The following VPS26A variants were observed in gnomAD, a reference collection of about 807,000 sequenced individuals.
VPS26A encodes VPS26 retromer complex component A, also known as vacuolar protein sorting-associated protein 26A.
VPS26A carries 22 observed loss-of-function variants against 42.4 expected under a neutral mutation model. That is an observed-to-expected ratio of 0.52 (90% CI 0.37 to 0.74). VPS26A has a LOEUF of 0.74. Ranked by LOEUF, VPS26A falls within the 30% of genes least tolerant of loss-of-function variation. VPS26A has a pLI of 0.00. For missense variants in VPS26A, 276 were observed against 379.2 expected (o/e 0.73, Z 2.26); for synonymous variants, 110 against 123.5 (o/e 0.89, Z 0.73).
chr10:69,164,808 T>C (rs1841649910), intron 6 of VPS26A, among the ~76,000 whole-genome samples: 1 of 152,216 alleles, frequency 6.6e-6, no homozygotes, highest in Non-Finnish European at 1.5e-5. Flanking sequence ...GTGAGGTATG[T>C]ATCACCTTTA....
chr10:69,164,009 C>T (rs566180818), intron 6 of VPS26A, among the ~76,000 whole-genome samples: 7 of 151,832 alleles, frequency 4.6e-5, no homozygotes, highest in Admixed American at 6.6e-5. Context: ...CCTCGTGATC[C>T]GCCCGCCTCA....
intron 2 of VPS26A, among the ~76,000 whole-genome samples, chr10:69,154,938 T>C (rs1450472262): frequency 1.3e-5 from 2 of 152,116 alleles, no homozygotes; most frequent in African/African-American, 4.8e-5. Flanking sequence ...GATTTCCACT[T>C]GGCAGATATA....
chr10:69,154,131 A>C (rs1841378536), intron 2 of VPS26A, among the ~76,000 whole-genome samples: 1 of 152,212 alleles, frequency 6.6e-6, no homozygotes, highest in South Asian at 2.1e-4. Context: ...TGACTGTCTC[A>C]GGTAATACTT....
chr10:69,133,005 A>G lies in VPS26A; in HGVS notation c.111A>G (p.Glu37=), dbSNP rs1273353388. 2.5e-6 allele frequency: 4 copies of G among 1,612,584 alleles called. No individual in the cohort carries two copies. The Admixed American group carries it at 5.0e-5, about 20-fold the overall frequency. Reference sequence around the variant, plus strand: ...TGAAAACTGAAGATGGCAAAGTAGAAAAACACTATCTCTTCTATGACGGAG... The same window carrying G: ...TGAAAACTGAAGATGGCAAAGTAGAGAAACACTATCTCTTCTATGACGGAG... ...AEMKTEDGKV[E]KHYLFYDGES... Residue 37 remains glutamate, a synonymous_variant, in exon 2 of 9, where the codon GAA becomes GAG. Transcript: ENST00000263559.
chr10:69,140,574 G>A (rs1368011239), intron 2 of VPS26A, among the ~76,000 whole-genome samples: 4 of 150,576 alleles, frequency 2.7e-5, no homozygotes, highest in East Asian at 4.0e-4. Flanking sequence ...GGGTAGATAC[G>A]GGGTTTCACC....
At position 69,127,727 on chromosome 10, in the gene VPS26A, C is replaced by CTTTT. The variant is rs572346560; in HGVS notation, c.3+3468_3+3471dup. Among the ~76,000 whole-genome samples the CTTTT allele has an allele frequency of 2.9e-3, 250 of 85,060 alleles. 11 individuals carry two copies. Among genetic ancestry groups the CTTTT allele is most frequent in the African/African-American group, 0.011 (231 of 20,896 alleles). The allele number at this position is 85,060 out of a possible 152,430, so 55.8% of individuals were successfully genotyped here. A position where few individuals can be genotyped will look rare whatever the true frequency, so the allele number is the denominator to read the frequency against. ...GTGTTTTGATTGTATTTAAAAATAT[C>CTTTT]TTTTTTTTTTTTTTTTTTTTTTTTG... On this transcript the variant is annotated intron_variant, in intron 1 of 8. Transcript: ENST00000263559.
At position 69,150,551 on chromosome 10, in the gene VPS26A, C is replaced by T. The variant is rs144157622; in HGVS notation, c.154-5261C>T. 1.4e-3 allele frequency among the ~76,000 whole-genome samples: 217 copies of T among 152,112 alleles called. 4 individuals carry two copies. The East Asian group carries it at 0.036, about 25-fold the overall frequency. ...TAGCTGGGACTACAGGCGCCTGCCA[C>T]CACACCCGGCTAATTTTTTGTATTT... On this transcript the variant is annotated intron_variant, in intron 2 of 8. Coordinates refer to ENST00000263559, the MANE Select transcript of VPS26A (RefSeq NM_004896.5).
chr10:69,151,284 C>CAAAAAAAA (rs1162179375), intron 2 of VPS26A, among the ~76,000 whole-genome samples: 15 of 111,864 alleles, frequency 1.3e-4, no homozygotes, highest in Non-Finnish European at 2.2e-4. Context: ...AAAAAAAAAA[C>CAAAAAAAA]ACACACACAC....
At chr10:69,134,507 AC>A (rs1395854170) in intron 2 of VPS26A, among the ~76,000 whole-genome samples, 2 of 152,230 alleles carry the variant, frequency 1.3e-5, no homozygotes, top group Non-Finnish European at 2.9e-5. Flanking sequence ...GCATTAAATT[AC>A]ATGTCCACCT....
At chr10:69,167,503 A>G (rs1202200940) in intron 7 of VPS26A, among the ~76,000 whole-genome samples, 1 of 152,056 alleles carries the variant, frequency 6.6e-6, no homozygotes, top group African/African-American at 2.4e-5. Context: ...TGGGAGGCCA[A>G]GGTGGGTGGA....
At chr10:69,144,055 A>T (rs1345036164) in intron 2 of VPS26A, among the ~76,000 whole-genome samples, 1 of 152,068 alleles carries the variant, frequency 6.6e-6, no homozygotes, top group Non-Finnish European at 1.5e-5. Context: ...ACTGGTTTGC[A>T]TTATCTGTAT....
chr10:69,139,256 T>C (rs1284296446), intron 2 of VPS26A, among the ~76,000 whole-genome samples: 2 of 152,170 alleles, frequency 1.3e-5, no homozygotes, highest in African/African-American at 4.8e-5. Context: ...AGTTAGTTTT[T>C]CTGAATAATC....
At chr10:69,142,014 G>T (rs1841051935) in intron 2 of VPS26A, among the ~76,000 whole-genome samples, 1 of 152,032 alleles carries the variant, frequency 6.6e-6, no homozygotes, top group Admixed American at 6.6e-5. Flanking sequence ...CTCCCGAGTA[G>T]CTGGGATTAC....
Position 69,158,037 on chromosome 10 carries a change from A to T in VPS26A, c.387-10A>T. 1 of 1,586,584 alleles carries T rather than the reference A, an allele frequency of 6.3e-7. No homozygotes were observed. On this transcript the variant is annotated splice_polypyrimidine_tract_variant and intron_variant, in intron 4 of 8. Transcript: ENST00000263559. ...TGATTTAACTCATCGACTCTCTTTTAACTTTGTAGGTATTTTCTTAAAGTG... is the reference window on the plus strand; with the variant it reads ...TGATTTAACTCATCGACTCTCTTTTTACTTTGTAGGTATTTTCTTAAAGTG...
At chr10:69,143,343 T>G (rs1482877954) in intron 2 of VPS26A, among the ~76,000 whole-genome samples, 1 of 152,200 alleles carries the variant, frequency 6.6e-6, no homozygotes, top group East Asian at 1.9e-4. Context: ...TTTCCAAACT[T>G]GGCTTTGCAC....
intron 2 of VPS26A, among the ~76,000 whole-genome samples, chr10:69,149,755 T>TGAGATGG (rs1841256121): frequency 1.0e-5 from 1 of 98,304 alleles, no homozygotes; most frequent in Non-Finnish European, 2.2e-5. Context: ...TTTTTTTTTT[T>TGAGATGG]TTTTTTTTTG....
At chr10:69,156,942 G>A (rs953053590) in intron 3 of VPS26A, 65 bp from the exon 4 acceptor site, 6 of 1,431,690 alleles carry the variant, frequency 4.2e-6, no homozygotes, top group Non-Finnish European at 5.6e-6. Context: ...GTTTGAAGTA[G>A]ATGTCTGGGT....
chr10:69,146,664 A>C (rs1490157581), intron 2 of VPS26A, among the ~76,000 whole-genome samples: 1 of 152,118 alleles, frequency 6.6e-6, no homozygotes, highest in Non-Finnish European at 1.5e-5. Flanking sequence ...TGGTCATATA[A>C]TATTTGTCCT....
chr10:69,163,613 A>C (rs964299525), intron 6 of VPS26A, among the ~76,000 whole-genome samples: 1 of 152,110 alleles, frequency 6.6e-6, no homozygotes, highest in African/African-American at 2.4e-5. Context: ...GATTTTTCTT[A>C]TGGATTCTTT....
Sources: allele counts gnomAD v4.1 joint callset (sites outside exome capture counted in the v4.1 genomes callset), GRCh38; gene constraint gnomAD v4.1.1; transcripts MANE v1.5; gene names NCBI Gene and HGNC (gene_info 2026-07-23, HGNC 2026-07-21).